Variants in TRAK1 observed in about 807,000 individuals in gnomAD.
TRAK1 encodes the protein trafficking kinesin protein 1, also known as trafficking kinesin-binding protein 1.
TRAK1 carries 33 observed loss-of-function variants against 92.1 expected under a neutral mutation model. That is an observed-to-expected ratio of 0.36 (90% CI 0.27 to 0.48). TRAK1 has a LOEUF of 0.48. Ranked by LOEUF, TRAK1 falls within the 20% of genes least tolerant of loss-of-function variation. The pLI, the probability that TRAK1 is intolerant of heterozygous loss-of-function variation, is 0.99. For synonymous variants in TRAK1, 521 were observed against 517.3 expected (o/e 1.01, Z -0.10); for missense variants, 1,123 against 1,257.9 (o/e 0.89, Z 1.62).
At chr3:42,082,784 A>G (rs1367254384), upstream of TRAK1, among the ~76,000 whole-genome samples, 1 of 152,250 alleles carries the variant, frequency 6.6e-6, no homozygotes, top group African/African-American at 2.4e-5. Flanking sequence ...CAGATAGAAT[A>G]TGTCTAAGTA....
At chr3:42,118,394 G>C (rs1709442699) in intron 1 of TRAK1, among the ~76,000 whole-genome samples, 1 of 152,124 alleles carries the variant, frequency 6.6e-6, no homozygotes, top group African/African-American at 2.4e-5. Flanking sequence ...GCCCCGCTGA[G>C]ATCTGTATTT....
At chr3:42,216,234 C>T (rs181026814) in intron 14 of TRAK1, among the ~76,000 whole-genome samples, 25 of 152,252 alleles carry the variant, frequency 1.6e-4, no homozygotes, top group Non-Finnish European at 3.1e-4. Context: ...CCTGGGAGGC[C>T]CGAGCAGCAG....
At chr3:42,197,438 T>A (rs1706904832) in intron 10 of TRAK1, among the ~76,000 whole-genome samples, 1 of 152,248 alleles carries the variant, frequency 6.6e-6, no homozygotes, top group Non-Finnish European at 1.5e-5. Context: ...TAAATTTGTA[T>A]TATTTTTTGT....
At chr3:42,100,845 A>G (rs1013698219) in intron 1 of TRAK1, among the ~76,000 whole-genome samples, 1 of 151,332 alleles carries the variant, frequency 6.6e-6, no homozygotes, top group Admixed American at 6.6e-5. Flanking sequence ...TTTTTTGTAT[A>G]TTTAGTAGAG....
rs184857481 is a variant in TRAK1, at chr3:42,215,136, T to G, written c.1964-4358T>G. Among the ~76,000 whole-genome samples, 169 of 151,880 alleles carry G rather than the reference T, an allele frequency of 1.1e-3. 1 individual carries two copies. The highest frequency in any genetic ancestry group is 2.9e-3 in the Admixed American group (45 of 15,290). ...CTCATCATAGAACTTTTTTTCCCCC[T>G]GAAAATATCATGGGCAGAGTTACAT... On this transcript the variant is annotated intron_variant, in intron 14 of 15. Transcript: ENST00000327628.
intron 1 of TRAK1, among the ~76,000 whole-genome samples, chr3:42,096,732 CA>C (rs957163088): frequency 1.1e-4 from 17 of 152,234 alleles, no homozygotes; most frequent in Admixed American, 5.2e-4. Context: ...GGGGCAGCCA[CA>C]AAGGCAGTGA....
chr3:42,080,635 A>G (rs1427840164), intron 1 of TRAK1, among the ~76,000 whole-genome samples: 1 of 152,134 alleles, frequency 6.6e-6, no homozygotes, highest in Non-Finnish European at 1.5e-5. Flanking sequence ...TTTGTTCCTG[A>G]GCCCCTGTGA....
chr3:42,116,431 A>C (rs1184635616), intron 1 of TRAK1, among the ~76,000 whole-genome samples: 4 of 152,218 alleles, frequency 2.6e-5, no homozygotes, highest in Admixed American at 2.6e-4. Context: ...CCCTTGATAG[A>C]GAGGAATTTT....
chr3:42,222,953 C>T lies in TRAK1; in HGVS notation c.2078C>T (p.Ala693Val), dbSNP rs1417176204. 2 of 1,613,000 alleles carry T rather than the reference C, an allele frequency of 1.2e-6. No individual in the cohort carries two copies. The highest frequency in any genetic ancestry group is 1.7e-5 in the Admixed American group (1 of 59,988). Residue 693 changes from alanine to valine, a missense_variant, in exon 16 of 16, where the codon GCC becomes GTC. Around this residue, in one of 3 missense-constraint regions of TRAK1, gnomAD observed 401 missense variants for 438.9 expected, o/e 0.91. Coordinates refer to ENST00000327628, the MANE Select transcript of TRAK1 (RefSeq NM_001042646.3). The stretch of plus-strand genomic sequence containing the variant: ...ATTTCTTCTTTCAGCCTTAACTCAG[C>T]CCCAACTCCAGCTTGTGGCAGCACC... Reference protein sequence around the residue: ...LTRVTPSLNSAPTPACGSTSH... With the variant: ...LTRVTPSLNSVPTPACGSTSH...
chr3:42,079,963 C>T (rs1019525669), intron 1 of TRAK1, among the ~76,000 whole-genome samples: 2 of 152,116 alleles, frequency 1.3e-5, no homozygotes, highest in Admixed American at 1.3e-4. Context: ...ACAAATCCTT[C>T]TGCATTTCCA....
chr3:42,166,068 G>T (rs1278421357), intron 2 of TRAK1, among the ~76,000 whole-genome samples: 4 of 151,948 alleles, frequency 2.6e-5, no homozygotes, highest in Admixed American at 1.3e-4. Flanking sequence ...TTTCCTGCTT[G>T]CTCCTCTGTG....
chr3:42,217,714 C>T, intron 14 of TRAK1: 3 of 985,360 alleles, frequency 3.0e-6, no homozygotes, highest in Non-Finnish European at 3.6e-6. Flanking sequence ...TTACTGCTTT[C>T]CCCCTCTCCT....
At chr3:42,177,620 G>A (rs1391835113) in intron 3 of TRAK1, among the ~76,000 whole-genome samples, 1 of 152,156 alleles carries the variant, frequency 6.6e-6, no homozygotes, top group African/African-American at 2.4e-5. Flanking sequence ...GAATGATTTT[G>A]GGGCGTGTGA....
At chr3:42,084,263 T>C (rs1336069849), upstream of TRAK1, among the ~76,000 whole-genome samples, 1 of 152,182 alleles carries the variant, frequency 6.6e-6, no homozygotes, top group Admixed American at 6.5e-5. Context: ...GGTATCTGCA[T>C]TCACTAATCT....
At chr3:42,189,278 C>T (rs1450654636) in intron 6 of TRAK1, among the ~76,000 whole-genome samples, 154 bp downstream of exon 6, 1 of 152,208 alleles carries the variant, frequency 6.6e-6, no homozygotes, top group East Asian at 1.9e-4. Context: ...CCTCTATGCT[C>T]TGGGCACTGC....
chr3:42,202,030 G>T lies in TRAK1; in HGVS notation c.1428-406G>T, dbSNP rs1001442141. ...ACAGGAAGCTCCTTGATCAGAGCAGGTTTTGTTCAGAGTTGGGGTCTGGGC... is the reference window on the plus strand; with the variant it reads ...ACAGGAAGCTCCTTGATCAGAGCAGTTTTTGTTCAGAGTTGGGGTCTGGGC... On this transcript the variant is annotated intron_variant, in intron 12 of 15. Transcript: ENST00000327628. The surrounding 1 kb of genome is among the most constrained non-coding windows in gnomAD (Gnocchi z 6.1). Among the ~76,000 whole-genome samples the T allele has an allele frequency of 2.2e-4, 34 of 152,188 alleles. No homozygotes were observed. Among genetic ancestry groups the T allele is most frequent in the African/African-American group, 8.2e-4 (34 of 41,518 alleles).
Position 42,216,551 on chromosome 3 carries a change from G to A in TRAK1, c.1964-2943G>A, listed in dbSNP as rs1204956717. Among the ~76,000 whole-genome samples the A allele has an allele frequency of 2.6e-5, 4 of 152,318 alleles. No individual in the cohort carries two copies. In the East Asian group the frequency reaches 7.7e-4, roughly 29 times the overall value. On this transcript the variant is annotated intron_variant, in intron 14 of 15. Coordinates refer to ENST00000327628, the MANE Select transcript of TRAK1 (RefSeq NM_001042646.3). The stretch of plus-strand genomic sequence containing the variant: ...TGTGTCCACCTGTAGCTAGCTGAAG[G>A]ATGTGTGCTTGCATGTGGTGTGTTT...
intron 4 of TRAK1, among the ~76,000 whole-genome samples, chr3:42,185,673 CTTTTT>C (rs11376284): frequency 7.3e-6 from 1 of 136,620 alleles, no homozygotes; most frequent in Admixed American, 7.5e-5. Context: ...TTATTCCTTT[CTTTTT>C]TTTTTTTTTT....
chr3:42,023,921 A>G (rs1165358429), intron 1 of TRAK1, among the ~76,000 whole-genome samples: 1 of 151,524 alleles, frequency 6.6e-6, no homozygotes, highest in Non-Finnish European at 1.5e-5. Context: ...CGCCTGGCTA[A>G]TTTTTATATT....
Sources: gnomAD v4.1 joint callset for allele counts (sites outside exome capture counted in the v4.1 genomes callset) on GRCh38, gnomAD v4.1.1 for gene constraint, gnomAD v4.1.1 regional missense constraint, Gnocchi (gnomAD v3.1) non-coding constraint, MANE v1.5 for transcripts, NCBI Gene and HGNC (gene_info 2026-07-23, HGNC 2026-07-21) for gene names.